BRINP3: variants seen among roughly 807,000 people sequenced by gnomAD.
The protein encoded by BRINP3 is BMP/retinoic acid inducible neural specific 3.
In BRINP3, 19 loss-of-function variants were observed where a neutral mutation model predicts 71.0. The ratio of observed to expected loss-of-function variants is 0.27; its 90% CI spans 0.19 to 0.39. BRINP3 has a LOEUF of 0.39. Among genes scored for constraint, BRINP3 ranks in the 10% least tolerant of loss-of-function variants. The probability of loss-of-function intolerance (pLI) is 1.00; values close to 1 mark genes in which losing one functional copy is unlikely to be tolerated. For synonymous variants in BRINP3, 380 were observed against 337.7 expected, an observed-to-expected ratio of 1.13 and a Z score of -1.37; for missense variants, 959 against 940.8, an observed-to-expected ratio of 1.02 and a Z score of -0.25.
In BRINP3 at chr1:190,121,929, G is replaced by C. The variant is rs369150920; in HGVS notation, c.1185-22795C>G. On this transcript the variant is annotated intron_variant, in intron 7 of 7. Transcript: ENST00000367462. ...TGGACTGAAATAACCAAATGAGATG[G>C]TAAATGAACTGAGGCTTGTAGAATG... Among the ~76,000 whole-genome samples, 36 of 152,260 alleles carry C rather than the reference G, an allele frequency of 2.4e-4. 1 individual carries two copies. Among genetic ancestry groups the C allele is most frequent in the African/African-American group, 8.4e-4 (35 of 41,542 alleles).
chr1:190,427,329 C>G (rs1470540899), intron 2 of BRINP3, among the ~76,000 whole-genome samples: 1 of 151,838 alleles, frequency 6.6e-6, no homozygotes, highest in African/African-American at 2.4e-5. Flanking sequence ...TCTGTGTGCA[C>G]TCACTTAGTA....
intron 7 of BRINP3, among the ~76,000 whole-genome samples, chr1:190,141,732 G>A (rs943840889): frequency 4.6e-5 from 7 of 151,324 alleles, no homozygotes; most frequent in African/African-American, 1.2e-4. Context: ...GCTAATTTTT[G>A]TATTTTTAGG....
intron 2 of BRINP3, among the ~76,000 whole-genome samples, chr1:190,365,361 T>G (rs1372745560): frequency 6.6e-6 from 1 of 151,808 alleles, no homozygotes; most frequent in African/African-American, 2.4e-5. Context: ...TTTTACTACA[T>G]TCTATGCCTT....
chr1:190,247,236 C>A (rs1659695387), intron 4 of BRINP3, among the ~76,000 whole-genome samples: 1 of 151,762 alleles, frequency 6.6e-6, no homozygotes. Context: ...AAGTATGAAG[C>A]TCCTGAGCCT....
At chr1:190,408,199 ATTTATT>A (rs779974761) in intron 2 of BRINP3, among the ~76,000 whole-genome samples, 211 of 50,384 alleles carry the variant, frequency 4.2e-3, no homozygotes, top group Middle Eastern at 0.036. Flanking sequence ...TTATTTATTT[ATTTATT>A]TTTTTTTTTT....
intron 5 of BRINP3, among the ~76,000 whole-genome samples, chr1:190,234,034 G>GTAACAAAGTTAC (rs1362510181): frequency 6.6e-6 from 1 of 152,118 alleles, no homozygotes; most frequent in African/African-American, 2.4e-5. Context: ...ACTTTCACAA[G>GTAACAAAGTTAC]AATCTTTAAG....
intron 2 of BRINP3, among the ~76,000 whole-genome samples, chr1:190,365,287 G>T (rs1021171807): frequency 1.3e-4 from 20 of 151,872 alleles, no homozygotes; most frequent in Non-Finnish European, 2.6e-4. Flanking sequence ...TGTAAAAGAG[G>T]CATTGTGTTC....
At chr1:190,369,032 A>T (rs1669689238) in intron 2 of BRINP3, among the ~76,000 whole-genome samples, 1 of 152,266 alleles carries the variant, frequency 6.6e-6, no homozygotes, top group African/African-American at 2.4e-5. Flanking sequence ...TGGTCTGGGA[A>T]TACTTCCACA....
At chr1:190,203,299 G>T (rs1412015363) in intron 6 of BRINP3, among the ~76,000 whole-genome samples, 1 of 151,766 alleles carries the variant, frequency 6.6e-6, no homozygotes, top group Non-Finnish European at 1.5e-5. Context: ...AATGGATTGG[G>T]TTTTTAAAAC....
At chr1:190,249,755 G>C (rs1464546931) in intron 4 of BRINP3, among the ~76,000 whole-genome samples, 1 of 151,710 alleles carries the variant, frequency 6.6e-6, no homozygotes, top group Non-Finnish European at 1.5e-5. Flanking sequence ...CATTTTTCAT[G>C]CACCTAGTTA....
chr1:190,108,610 T>C (rs1367463491), intron 7 of BRINP3, among the ~76,000 whole-genome samples: 2 of 148,976 alleles, frequency 1.3e-5, no homozygotes, highest in South Asian at 2.2e-4. Flanking sequence ...CAATCTAGTA[T>C]GCCTAACCAT....
At chr1:190,181,279 T>C (rs1230564737) in intron 6 of BRINP3, among the ~76,000 whole-genome samples, 1 of 152,064 alleles carries the variant, frequency 6.6e-6, no homozygotes, top group Non-Finnish European at 1.5e-5. Flanking sequence ...GAATATAAAT[T>C]TATGGTATGT....
intron 7 of BRINP3, among the ~76,000 whole-genome samples, chr1:190,133,656 G>T (rs971208357): frequency 6.6e-6 from 1 of 152,034 alleles, no homozygotes; most frequent in African/African-American, 2.4e-5. Context: ...ATGTAAAAAT[G>T]CAAAAACATG....
At chr1:190,400,303 GAATA>G (rs1378626792) in intron 2 of BRINP3, among the ~76,000 whole-genome samples, 5 of 152,038 alleles carry the variant, frequency 3.3e-5, no homozygotes, top group Non-Finnish European at 5.9e-5. Flanking sequence ...GTTGAATTCG[GAATA>G]AATAAGTCAC....
intron 2 of BRINP3, among the ~76,000 whole-genome samples, chr1:190,410,663 T>C (rs1430739951): frequency 6.6e-6 from 1 of 152,050 alleles, no homozygotes; most frequent in Non-Finnish European, 1.5e-5. Context: ...TAAATCGTTT[T>C]AGAAGAAAAA....
intron 2 of BRINP3, among the ~76,000 whole-genome samples, chr1:190,359,667 C>T (rs1396370665): frequency 6.6e-6 from 1 of 152,052 alleles, no homozygotes; most frequent in African/African-American, 2.4e-5. Context: ...CTTGGCCATA[C>T]CTCTTGCATA....
At chr1:190,189,647 C>CT (rs1239796693) in intron 6 of BRINP3, among the ~76,000 whole-genome samples, 3 of 151,834 alleles carry the variant, frequency 2.0e-5, no homozygotes, top group Admixed American at 6.6e-5. Context: ...ATTCTACTCA[C>CT]TTTTTTTAAT....
intron 2 of BRINP3, among the ~76,000 whole-genome samples, chr1:190,450,149 A>G (rs1675507835): frequency 6.6e-6 from 1 of 152,102 alleles, no homozygotes. Context: ...TTCTGTGGCT[A>G]CATCTCAAGG....
intron 2 of BRINP3, among the ~76,000 whole-genome samples, chr1:190,332,741 C>G (rs112408780): frequency 8.7e-4 from 133 of 152,034 alleles, no homozygotes; most frequent in Admixed American, 2.6e-3. Context: ...TAGAGTACTA[C>G]GATTTCTCCA....
Sources: allele counts gnomAD v4.1 joint callset (sites outside exome capture counted in the v4.1 genomes callset), GRCh38; gene constraint gnomAD v4.1.1; transcripts MANE v1.5; gene names NCBI Gene and HGNC (gene_info 2026-07-23, HGNC 2026-07-21).